TAF13: variants seen among roughly 807,000 people sequenced by gnomAD.
TAF13 encodes the protein transcription initiation factor TFIID subunit 13.
A neutral mutation model predicts 18.7 loss-of-function variants in TAF13; 9 were observed. The observed-to-expected ratio is 0.48, with a 90% CI of 0.29 to 0.84. The LOEUF is 0.84. Ranked by LOEUF, TAF13 falls within the 40% of genes least tolerant of loss-of-function variation. TAF13 has a pLI of 0.08. For missense variants in TAF13, 105 were observed against 146.5 expected (o/e 0.72, Z 1.46); for synonymous variants, 49 against 44.1 (o/e 1.11, Z -0.44).
intron 1 of TAF13, among the ~76,000 whole-genome samples, 153 bp from the exon 2 acceptor site, chr1:109,075,218 C>T (rs1018275427): frequency 2.0e-5 from 3 of 151,464 alleles, no homozygotes; most frequent in African/African-American, 7.3e-5. Flanking sequence ...ATTGAAGGAG[C>T]CTATGTATCT....
At chr1:109,072,979 C>A (rs1244326488) in intron 2 of TAF13, among the ~76,000 whole-genome samples, 1 of 150,126 alleles carries the variant, frequency 6.7e-6, no homozygotes, top group Admixed American at 6.6e-5. Context: ...GTGATCCACC[C>A]GCCTCAGTCT....
chr1:109,073,895 G>A (rs1008788807), intron 2 of TAF13, among the ~76,000 whole-genome samples: 2 of 151,526 alleles, frequency 1.3e-5, no homozygotes, highest in Admixed American at 6.6e-5. Context: ...GCCTCTGCTC[G>A]GCCGCTACTC....
chr1:109,064,427 A>G lies in TAF13; in HGVS notation c.*96T>C, dbSNP rs955862030. 1.7e-6 allele frequency: 2 copies of G among 1,157,148 alleles called. No homozygotes were observed. Among genetic ancestry groups the G allele is most frequent in the Admixed American group, 6.1e-5 (2 of 32,644 alleles). 71.7% of individuals were successfully genotyped at this position (1,157,148 alleles called of 1,614,324 possible). On this transcript the variant is annotated 3_prime_UTR_variant, in exon 4 of 4. Coordinates refer to ENST00000338366, the MANE Select transcript of TAF13 (RefSeq NM_005645.4). ...AAAACTTTGTGTTTCTCCATCTTTC[A>G]TTTACATGGCTAGATATCAGAATCT...
At chr1:109,069,250 T>G (rs968215513) in intron 2 of TAF13, among the ~76,000 whole-genome samples, 4 of 152,106 alleles carry the variant, frequency 2.6e-5, no homozygotes, top group Admixed American at 2.6e-4. Context: ...TCCCTTAGTA[T>G]CCTTGGGAGC....
chr1:109,075,809 C>T, intron 1 of TAF13, 112 bp downstream of exon 1: 1 of 1,430,338 alleles, frequency 7.0e-7, no homozygotes, highest in South Asian at 1.2e-5. Context: ...AGTCCCCGAA[C>T]TCTGTCCGCT....
chr1:109,074,018 C>G (rs34193125), intron 2 of TAF13, among the ~76,000 whole-genome samples: 2,750 of 152,272 alleles, frequency 0.018, 93 homozygotes, highest in African/African-American at 0.063. Flanking sequence ...TCCGCCAGGC[C>G]GCCCGCATCT....
chr1:109,071,651 A>G (rs1401900400), intron 2 of TAF13, among the ~76,000 whole-genome samples: 1 of 151,480 alleles, frequency 6.6e-6, no homozygotes, highest in East Asian at 2.0e-4. Flanking sequence ...AATTTTTCTT[A>G]AAAAAGATAC....
In TAF13 at chr1:109,064,534, A is replaced by T. The variant is rs1455511822; in HGVS notation, c.364T>A (p.Tyr122Asn). ...AACTACAAAAAGTGTCAAGATCCAT[A>T]ATTTGCTTCATCAAATGCTTTTCTA... ...RARKAFDEAN[Y>N]GS The change falls in exon 4 of 4, where the codon TAT becomes AAT. Residue 122 changes from tyrosine (Y) to asparagine (N), a missense_variant. Physicochemically the swap from Tyr to Asn is moderately radical, Grantham distance 143 (BLOSUM62 -2). Transcript: ENST00000338366. 6.7e-7 allele frequency: 1 copy of T among 1,501,264 alleles called. No homozygotes were observed. The highest frequency in any genetic ancestry group is 8.9e-7 in the Non-Finnish European group (1 of 1,124,010). 93.0% of individuals were successfully genotyped at this position (1,501,264 alleles called of 1,614,324 possible).
intron 1 of TAF13, among the ~76,000 whole-genome samples, chr1:109,075,556 C>A (rs549962954): frequency 5.9e-5 from 9 of 152,210 alleles, no homozygotes; most frequent in Admixed American, 2.0e-4. Flanking sequence ...ATTTTGAAAT[C>A]CAGGCTGTCT....
At chr1:109,069,134 G>A (rs1260906965) in intron 2 of TAF13, among the ~76,000 whole-genome samples, 1 of 152,118 alleles carries the variant, frequency 6.6e-6, no homozygotes, top group Admixed American at 6.6e-5. Flanking sequence ...ATATGTAAAT[G>A]GTAAGAAATG....
intron 2 of TAF13, among the ~76,000 whole-genome samples, chr1:109,071,475 T>C (rs35052943): frequency 0.068 from 10,218 of 149,286 alleles, 389 homozygotes; most frequent in Middle Eastern, 0.17. Flanking sequence ...CTGGGCATGG[T>C]GGCATGCACC....
rs1205236616 is a variant in TAF13, at chr1:109,072,101, TATATATATATATATACACAC to T, written c.106+2866_106+2885del. On this transcript the variant is annotated intron_variant, in intron 2 of 3. Transcript: ENST00000338366. ...ACACACACATATATATATATATATA[TATATATATATATATACACAC>T]ATATATATATATATATATATATATA... Among the ~76,000 whole-genome samples the T allele has an allele frequency of 3.2e-4, 4 of 12,444 alleles. 1 individual carries two copies. Among genetic ancestry groups the T allele is most frequent in the South Asian group, 3.1e-3 (1 of 320 alleles). 8.2% of individuals were successfully genotyped at this position (12,444 alleles called of 152,430 possible). A position where few individuals can be genotyped will look rare whatever the true frequency, so the allele number is the denominator to read the frequency against.
intron 2 of TAF13, among the ~76,000 whole-genome samples, chr1:109,071,989 T>TATATATATATATATATATATACACAC (rs1664070090): frequency 2.9e-4 from 1 of 3,500 alleles, no homozygotes; most frequent in African/African-American, 8.5e-4. Flanking sequence ...CACATATATA[T>TATATATATATATATATATATACACAC]ATATATATAT....
intron 2 of TAF13, among the ~76,000 whole-genome samples, chr1:109,073,568 G>A (rs1346475077): frequency 6.6e-6 from 1 of 152,226 alleles, no homozygotes; most frequent in African/African-American, 2.4e-5. Flanking sequence ...GGGTTTCGCC[G>A]TGTTGGCCGG....
chr1:109,073,557 G>A (rs886782757), intron 2 of TAF13, among the ~76,000 whole-genome samples: 1 of 152,150 alleles, frequency 6.6e-6, no homozygotes, highest in Non-Finnish European at 1.5e-5. Context: ...TGGTGGAGAC[G>A]GGGTTTCGCC....
chr1:109,074,380 T>C (rs1364037006), intron 2 of TAF13, among the ~76,000 whole-genome samples: 1 of 152,096 alleles, frequency 6.6e-6, no homozygotes, highest in South Asian at 2.1e-4. Flanking sequence ...GAAGGCAGCA[T>C]GCTCGTTAAG....
chr1:109,075,965 TCA>T lies in TAF13; in HGVS notation c.-20_-19del. On this transcript the variant is annotated 5_prime_UTR_variant, in exon 1 of 4. Coordinates refer to ENST00000338366, the MANE Select transcript of TAF13 (RefSeq NM_005645.4). The stretch of plus-strand genomic sequence containing the variant: ...TCTGCCATCCCACTAGCACGCCAAC[TCA>T]CAGCGTCCTGCCGGCTGGCTCCCAG... 6.2e-7 allele frequency: 1 copy of T among 1,614,200 alleles called. No homozygotes were observed. Among genetic ancestry groups the T allele is most frequent in the Non-Finnish European group, 8.5e-7 (1 of 1,180,036 alleles).
chr1:109,064,505 C>A lies in TAF13; in HGVS notation c.*18G>T. The A allele has an allele frequency of 7.1e-7, 1 of 1,413,490 alleles. No homozygotes were observed. Among genetic ancestry groups the A allele is most frequent in the Non-Finnish European group, 9.3e-7 (1 of 1,075,076 alleles). 87.6% of individuals were successfully genotyped at this position (1,413,490 alleles called of 1,614,324 possible). A position where few individuals can be genotyped will look rare whatever the true frequency, so the allele number is the denominator to read the frequency against. ...TATGGTTTCCCCAGATGGTAATTTT[C>A]GGAAACTACAAAAAGTGTCAAGATC... On this transcript the variant is annotated 3_prime_UTR_variant, in exon 4 of 4. Transcript: ENST00000338366.
chr1:109,075,364 C>T (rs1429521663), intron 1 of TAF13, among the ~76,000 whole-genome samples: 1 of 152,174 alleles, frequency 6.6e-6, no homozygotes, highest in Non-Finnish European at 1.5e-5. Flanking sequence ...ACTACTGTTA[C>T]TGTTAAACAG....
Sources: gnomAD v4.1 joint callset for allele counts (sites outside exome capture counted in the v4.1 genomes callset) on GRCh38, gnomAD v4.1.1 for gene constraint, MANE v1.5 for transcripts, NCBI Gene and HGNC (gene_info 2026-07-23, HGNC 2026-07-21) for gene names.